The following GALNT10 variants were observed in gnomAD, a reference collection of about 807,000 sequenced individuals.
GALNT10 encodes polypeptide N-acetylgalactosaminyltransferase 10, also known as GalNAc transferase 10.
Under a neutral mutation model 75.0 loss-of-function variants are expected in GALNT10, and 41 were observed. The observed-to-expected ratio is 0.55, with a 90% CI of 0.43 to 0.71. The LOEUF (loss-of-function observed/expected upper bound fraction) is 0.71, where lower values mean the gene tolerates loss of function less well. Among genes scored for constraint, GALNT10 ranks in the 30% least tolerant of loss-of-function variants. GALNT10 has a pLI of 0.00. For synonymous variants in GALNT10, 302 were observed against 313.0 expected, an observed-to-expected ratio of 0.96 and a Z score of 0.37; for missense variants, 727 against 818.5, an observed-to-expected ratio of 0.89 and a Z score of 1.36.
At position 154,298,989 on chromosome 5, in the gene GALNT10, A is replaced by G. The variant is rs1312935556; in HGVS notation, c.401+910A>G. ...CCACACTTTGAGAATCACTGCAAGT[A>G]GATTTCAGAATTGCTTCTACATGAA... is the stretch of plus-strand genomic sequence containing the variant. On this transcript the variant is annotated intron_variant, in intron 3 of 11. Transcript: ENST00000297107. The surrounding 1 kb of genome is among the most constrained non-coding windows in gnomAD (Gnocchi z 4.1). 6.6e-6 allele frequency among the ~76,000 whole-genome samples: 1 copy of G among 152,250 alleles called. No homozygotes were observed. Among genetic ancestry groups the G allele is most frequent in the East Asian group, 1.9e-4 (1 of 5,202 alleles).
intron 4 of GALNT10, among the ~76,000 whole-genome samples, chr5:154,354,022 T>C (rs1201798036): frequency 6.6e-6 from 1 of 152,200 alleles, no homozygotes; most frequent in Non-Finnish European, 1.5e-5. Flanking sequence ...TGAGAGCACC[T>C]TTGAGTACTT....
At chr5:154,367,818 C>G (rs1230969090) in intron 4 of GALNT10, among the ~76,000 whole-genome samples, 24 of 150,806 alleles carry the variant, frequency 1.6e-4, no homozygotes, top group Admixed American at 3.3e-4. Flanking sequence ...AGATCGCGCC[C>G]CTGCACTCCA....
At chr5:154,355,391 G>A (rs1457458060) in intron 4 of GALNT10, among the ~76,000 whole-genome samples, 2 of 152,190 alleles carry the variant, frequency 1.3e-5, no homozygotes, top group African/African-American at 2.4e-5. Context: ...TGATACTCTG[G>A]CCCAGCCCTC....
chr5:154,224,456 CG>C (rs1326611167), intron 1 of GALNT10, among the ~76,000 whole-genome samples: 7 of 152,232 alleles, frequency 4.6e-5, no homozygotes, highest in African/African-American at 1.4e-4. Flanking sequence ...TGCTCTCAGA[CG>C]TAACAAGGGA....
chr5:154,289,523 G>A (rs771901928), intron 1 of GALNT10, among the ~76,000 whole-genome samples: 1 of 152,212 alleles, frequency 6.6e-6, no homozygotes, highest in African/African-American at 2.4e-5. Flanking sequence ...ATTCCAGGGA[G>A]AGAACTGCAA....
chr5:154,323,835 C>G (rs1754713134), intron 3 of GALNT10, among the ~76,000 whole-genome samples: 2 of 152,224 alleles, frequency 1.3e-5, no homozygotes, highest in Admixed American at 1.3e-4. Context: ...CTACGATGTT[C>G]AGTGCTTCAA....
chr5:154,394,811 T>C (rs1755982901), intron 7 of GALNT10, among the ~76,000 whole-genome samples: 1 of 152,252 alleles, frequency 6.6e-6, no homozygotes, highest in Non-Finnish European at 1.5e-5. Flanking sequence ...AGCTGCAGCA[T>C]GGCTGCCAGG....
intron 1 of GALNT10, among the ~76,000 whole-genome samples, chr5:154,260,566 G>A (rs1459668665): frequency 6.6e-6 from 1 of 152,128 alleles, no homozygotes; most frequent in Non-Finnish European, 1.5e-5. Flanking sequence ...GAATGCAAAT[G>A]TTTCTAACAA....
At chr5:154,371,520 G>C (rs1755563532) in intron 4 of GALNT10, among the ~76,000 whole-genome samples, 1 of 120,030 alleles carries the variant, frequency 8.3e-6, no homozygotes, top group Admixed American at 8.2e-5. Flanking sequence ...GAGAGCCAGA[G>C]GCCCCAGACA....
intron 4 of GALNT10, chr5:154,337,660 C>T (rs60273059): frequency 0.019 from 18,866 of 1,013,352 alleles, 878 homozygotes; most frequent in African/African-American, 0.15. Context: ...TAGCTTCCAT[C>T]ACCTCCAGAA....
chr5:154,268,187 C>G (rs1266391153), intron 1 of GALNT10, among the ~76,000 whole-genome samples: 1 of 152,152 alleles, frequency 6.6e-6, no homozygotes, highest in Non-Finnish European at 1.5e-5. Context: ...TAGCCAAGCA[C>G]CTTGTAAGGG....
intron 4 of GALNT10, among the ~76,000 whole-genome samples, chr5:154,345,654 A>C (rs1177190551): frequency 6.8e-5 from 9 of 132,626 alleles, no homozygotes; most frequent in Non-Finnish European, 1.4e-4. Flanking sequence ...TTTTTTTTTA[A>C]GAAAGAGTTT....
intron 4 of GALNT10, among the ~76,000 whole-genome samples, chr5:154,364,890 T>G (rs1755452501): frequency 6.6e-6 from 1 of 152,170 alleles, no homozygotes; most frequent in Non-Finnish European, 1.5e-5. Context: ...AAGGGCCTGG[T>G]CTTCTCTTCT....
Position 154,412,867 on chromosome 5 carries a change from T to G in GALNT10, c.1387-22T>G. 6.4e-7 allele frequency: 1 copy of G among 1,563,994 alleles called. No individual in the cohort carries two copies. The highest frequency in any genetic ancestry group is 2.2e-5 in the East Asian group (1 of 44,646). On this transcript the variant is annotated intron_variant, in intron 9 of 11. Coordinates refer to ENST00000297107, the MANE Select transcript of GALNT10 (RefSeq NM_198321.4). The surrounding 1 kb of genome is among the most constrained non-coding windows in gnomAD (Gnocchi z 4.2). ...ACCTTAAGGCACCTCAGTGGTCCAC[T>G]TCTTCCCTCTTTCCCTTTCAGATCC...
chr5:154,417,587 T>C lies in GALNT10; in HGVS notation c.*615T>C, dbSNP rs558350876. On this transcript the variant is annotated 3_prime_UTR_variant, in exon 12 of 12. Transcript: ENST00000297107. ...CTTGGGGCCCTAAGAGTGTTCAGTA[T>C]TGAATGCTGATCAGCTGCCAGGTGA... 2.1e-3 allele frequency: 319 copies of C among 152,620 alleles called. 4 individuals are homozygous for C. The highest frequency in any genetic ancestry group is 1.0e-4 in the Non-Finnish European group (7 of 68,274). 9.5% of individuals were successfully genotyped at this position (152,620 alleles called of 1,614,324 possible).
At chr5:154,197,109 G>T (rs963091365) in intron 1 of GALNT10, among the ~76,000 whole-genome samples, 1 of 152,138 alleles carries the variant, frequency 6.6e-6, no homozygotes, top group Non-Finnish European at 1.5e-5. Context: ...TAGCTGTGTG[G>T]ACCTCAGTTT....
rs561988509 is a variant in GALNT10, at chr5:154,400,311, G to A, written c.1057-3793G>A. Among the ~76,000 whole-genome samples, 5 of 152,250 alleles carry A rather than the reference G, an allele frequency of 3.3e-5. No homozygotes were observed. In the South Asian group the frequency reaches 6.2e-4, roughly 19 times the overall value. On this transcript the variant is annotated intron_variant, in intron 7 of 11. Coordinates refer to ENST00000297107, the MANE Select transcript of GALNT10 (RefSeq NM_198321.4). ...CCTGCTGGGTGCTCGCTGCATTCAC[G>A]GACAGGCCCTCCCTTACTGTGTGGT...
intron 2 of GALNT10, among the ~76,000 whole-genome samples, chr5:154,296,073 T>TTTTG (rs569444906): frequency 1.3e-5 from 2 of 152,018 alleles, no homozygotes; most frequent in Admixed American, 6.6e-5. Context: ...GCTGCTCTTT[T>TTTTG]TTTGTTTGTT....
At chr5:154,373,450 C>T (rs1755605380) in intron 4 of GALNT10, among the ~76,000 whole-genome samples, 1 of 152,114 alleles carries the variant, frequency 6.6e-6, no homozygotes, top group South Asian at 2.1e-4. Flanking sequence ...TAGACCTTGG[C>T]ATCATCATTT....
Sources: gnomAD v4.1 joint callset for allele counts (sites outside exome capture counted in the v4.1 genomes callset) on GRCh38, gnomAD v4.1.1 for gene constraint, Gnocchi (gnomAD v3.1) non-coding constraint, MANE v1.5 for transcripts, NCBI Gene and HGNC (gene_info 2026-07-23, HGNC 2026-07-21) for gene names.